TSHZ3: variants seen among roughly 807,000 people sequenced by gnomAD.
The protein encoded by TSHZ3 is teashirt zinc finger homeobox 3.
Under a neutral mutation model 64.5 loss-of-function variants are expected in TSHZ3, and 10 were observed. That is an observed-to-expected ratio of 0.16 (90% CI 0.10 to 0.26). The LOEUF (loss-of-function observed/expected upper bound fraction) is 0.26. Ranked by LOEUF, TSHZ3 falls within the 10% of genes least tolerant of loss-of-function variation. The pLI is 1.00. For synonymous variants in TSHZ3, 608 were observed against 593.1 expected (o/e 1.03, Z -0.36); for missense variants, 1,242 against 1,421.7 (o/e 0.87, Z 2.03).
intron 1 of TSHZ3, among the ~76,000 whole-genome samples, chr19:31,297,063 A>G (rs1976674894): frequency 6.6e-6 from 1 of 152,162 alleles, no homozygotes; most frequent in Non-Finnish European, 1.5e-5. Context: ...GAAATACCCA[A>G]AGCATCCAGG....
At chr19:31,238,179 G>C (rs1319208589) in intron 3 of TSHZ3, among the ~76,000 whole-genome samples, 1 of 151,678 alleles carries the variant, frequency 6.6e-6, no homozygotes, top group Non-Finnish European at 1.5e-5. Context: ...ATTACCAAAA[G>C]AGAAATGTTA....
intron 1 of TSHZ3, among the ~76,000 whole-genome samples, chr19:31,257,709 A>G (rs1975930525): frequency 6.6e-6 from 1 of 152,146 alleles, no homozygotes; most frequent in African/African-American, 2.4e-5. Context: ...CCTCCTGGGG[A>G]AGACGCGAGG....
chr19:31,164,774 C>T (rs762496615), intron 5 of TSHZ3, among the ~76,000 whole-genome samples: 4 of 152,206 alleles, frequency 2.6e-5, no homozygotes. Flanking sequence ...CCAAGCTCTC[C>T]TCCTTTCCCC....
intron 4 of TSHZ3, among the ~76,000 whole-genome samples, chr19:31,222,938 T>C (rs1401211022): frequency 2.0e-5 from 3 of 152,022 alleles, no homozygotes; most frequent in Non-Finnish European, 4.4e-5. Context: ...GGTCAGCGAG[T>C]CTCCCGCTGC....
intron 5 of TSHZ3, among the ~76,000 whole-genome samples, chr19:31,188,133 A>T (rs975425519): frequency 6.6e-6 from 1 of 151,470 alleles, no homozygotes; most frequent in African/African-American, 2.4e-5. Flanking sequence ...ATATTTTCTT[A>T]AGTATTTTTA....
intron 5 of TSHZ3, among the ~76,000 whole-genome samples, chr19:31,189,832 T>G (rs1599571124): frequency 6.6e-6 from 1 of 152,286 alleles, no homozygotes; most frequent in Admixed American, 6.5e-5. Context: ...AACTGTGAAT[T>G]TATCTATTTC....
At chr19:31,221,497 G>A (rs763996145) in intron 4 of TSHZ3, among the ~76,000 whole-genome samples, 2 of 152,176 alleles carry the variant, frequency 1.3e-5, no homozygotes, top group African/African-American at 2.4e-5. Flanking sequence ...CCATGTGCCC[G>A]AGGTCATCAG....
In TSHZ3 at chr19:31,160,077, A is replaced by G. The variant is rs1196232963; in HGVS notation, n.810-3660T>C. On this transcript the variant is annotated intron_variant and non_coding_transcript_variant, in intron 5 of 6. Coordinates refer to the TSHZ3 transcript ENST00000651361. Reference sequence around the variant, plus strand: ...TAGCTCACATTTAGTGAGGGCTTACAATGGGCCAGGCCTTGTGTTTAAATA... The same window carrying G: ...TAGCTCACATTTAGTGAGGGCTTACGATGGGCCAGGCCTTGTGTTTAAATA... 2.6e-5 allele frequency among the ~76,000 whole-genome samples: 4 copies of G among 152,348 alleles called. No homozygotes were observed. In the East Asian group the frequency reaches 5.8e-4, roughly 22 times the overall value.
At chr19:31,152,920 G>A (rs181923338) in intron 6 of TSHZ3, among the ~76,000 whole-genome samples, 75 of 152,288 alleles carry the variant, frequency 4.9e-4, no homozygotes, top group African/African-American at 1.7e-3. Flanking sequence ...ACCACACAGT[G>A]CAAGTATTCA....
chr19:31,177,907 A>T (rs1469876389), intron 5 of TSHZ3, among the ~76,000 whole-genome samples: 1 of 152,190 alleles, frequency 6.6e-6, no homozygotes, highest in Non-Finnish European at 1.5e-5. Context: ...AATGAGAATA[A>T]GACAAATGTT....
At chr19:31,306,777 T>C (rs1383817396) in intron 1 of TSHZ3, among the ~76,000 whole-genome samples, 4 of 152,008 alleles carry the variant, frequency 2.6e-5, no homozygotes, top group African/African-American at 9.7e-5. Flanking sequence ...AAAATGGAGG[T>C]AGGAAGAAAG....
chr19:31,226,778 T>A (rs139783669), intron 4 of TSHZ3, among the ~76,000 whole-genome samples: 2 of 152,202 alleles, frequency 1.3e-5, no homozygotes, highest in Admixed American at 6.5e-5. Context: ...TGTCCTGGCA[T>A]AAGTAGTCAC....
At chr19:31,347,506 C>G (rs2021553354) in intron 1 of TSHZ3, among the ~76,000 whole-genome samples, 14 of 152,166 alleles carry the variant, frequency 9.2e-5, no homozygotes, top group Admixed American at 9.2e-4. Flanking sequence ...ATTCCTACTA[C>G]TCAACTTTGT....
intron 1 of TSHZ3, among the ~76,000 whole-genome samples, chr19:31,281,784 C>G (rs1173747869): frequency 6.6e-6 from 1 of 152,198 alleles, no homozygotes; most frequent in African/African-American, 2.4e-5. Flanking sequence ...CTCACCTGCC[C>G]CCCGACAGAC....
chr19:31,285,868 T>C (rs1052206132), intron 1 of TSHZ3, among the ~76,000 whole-genome samples: 2 of 151,764 alleles, frequency 1.3e-5, no homozygotes, highest in African/African-American at 4.8e-5. Flanking sequence ...ATCCCTCTTT[T>C]CTCTTGAGCA....
chr19:31,291,723 G>A (rs60440755), intron 1 of TSHZ3, among the ~76,000 whole-genome samples: 5,935 of 152,196 alleles, frequency 0.039, 204 homozygotes, highest in African/African-American at 0.099. Context: ...AAACTGACTG[G>A]GCATCAAACC....
chr19:31,330,716 A>C lies in TSHZ3; in HGVS notation c.40+18464T>G, dbSNP rs10409584. Among the ~76,000 whole-genome samples the C allele has an allele frequency of 1.4e-4, 20 of 142,758 alleles. 2 individuals carry two copies. The highest frequency in any genetic ancestry group is 6.2e-4 in the East Asian group (3 of 4,804). 93.7% of individuals were successfully genotyped at this position (142,758 alleles called of 152,430 possible). Reference sequence around the variant, plus strand: ...TGCTGTTTAATCCTTGGGCGGGGGGAGGAAAGTCCAGAACACCTATGGGTC... The same window carrying C: ...TGCTGTTTAATCCTTGGGCGGGGGGCGGAAAGTCCAGAACACCTATGGGTC... On this transcript the variant is annotated intron_variant, in intron 1 of 1. Coordinates refer to ENST00000240587, the MANE Select transcript of TSHZ3 (RefSeq NM_020856.4).
At chr19:31,177,435 C>A (rs1003195968) in intron 5 of TSHZ3, among the ~76,000 whole-genome samples, 1 of 152,220 alleles carries the variant, frequency 6.6e-6, no homozygotes, top group Admixed American at 6.5e-5. Flanking sequence ...CCTTCCCAGC[C>A]TCGGGGCTGC....
rs778652998 is a variant in TSHZ3 at position 31,279,034 on chromosome 19, G to A, written c.759C>T (p.Arg253=). 1 of 1,614,074 alleles carries A rather than the reference G, an allele frequency of 6.2e-7. No individual in the cohort carries two copies. Among genetic ancestry groups the A allele is most frequent in the Non-Finnish European group, 8.5e-7 (1 of 1,179,950 alleles). The part of the protein sequence containing the change: ...NHETDNNNPK[R]WSKPRKRSLL... ...AGGAGCGTTTGCGAGGCTTGGACCA[G>A]CGCTTGGGGTTGTTGTTATCGGTCT... The change falls in exon 2 of 2, where the codon CGC becomes CGT. Residue 253 remains arginine, a synonymous_variant. Coordinates refer to ENST00000240587, the MANE Select transcript of TSHZ3 (RefSeq NM_020856.4). The surrounding 1 kb of genome is among the most constrained non-coding windows in gnomAD (Gnocchi z 6.4).
Sources: allele counts gnomAD v4.1 joint callset (sites outside exome capture counted in the v4.1 genomes callset), GRCh38; gene constraint gnomAD v4.1.1; non-coding constraint Gnocchi (gnomAD v3.1); transcripts MANE v1.5; gene names NCBI Gene and HGNC (gene_info 2026-07-23, HGNC 2026-07-21).